Variants in PTPRT observed in about 807,000 individuals in gnomAD.
PTPRT encodes the protein protein tyrosine phosphatase receptor type T.
Under a neutral mutation model 176.8 loss-of-function variants are expected in PTPRT, and 56 were observed. The ratio of observed to expected loss-of-function variants is 0.32; its 90% CI spans 0.26 to 0.40. The LOEUF (loss-of-function observed/expected upper bound fraction) is 0.40. PTPRT is among the 10% of genes least tolerant of loss of function. The pLI, the probability that PTPRT is intolerant of heterozygous loss-of-function variation, is 1.00. For synonymous variants in PTPRT, 783 were observed against 739.0 expected, an observed-to-expected ratio of 1.06 and a Z score of -0.96; for missense variants, 1,540 against 1,908.2, an observed-to-expected ratio of 0.81 and a Z score of 3.60.
intron 2 of PTPRT, among the ~76,000 whole-genome samples, chr20:42,830,094 C>T (rs2078059549): frequency 6.6e-6 from 1 of 152,154 alleles, no homozygotes; most frequent in South Asian, 2.1e-4. Context: ...CCAACTCATT[C>T]CATGAGGCCA....
intron 12 of PTPRT, among the ~76,000 whole-genome samples, chr20:42,315,148 G>A (rs578001191): frequency 1.5e-4 from 9 of 62,062 alleles, no homozygotes; most frequent in South Asian, 1.2e-3. Context: ...ACTGCAGTCC[G>A]CAGTCCGGCC....
At chr20:42,455,163 A>AT (rs2070898621) in intron 8 of PTPRT, among the ~76,000 whole-genome samples, 1 of 152,226 alleles carries the variant, frequency 6.6e-6, no homozygotes, top group African/African-American at 2.4e-5. Flanking sequence ...GGGAAGTATA[A>AT]TTTTTAAGTA....
chr20:43,146,901 TC>T (rs2014186743), intron 1 of PTPRT, among the ~76,000 whole-genome samples: 1 of 152,122 alleles, frequency 6.6e-6, no homozygotes, highest in African/African-American at 2.4e-5. Flanking sequence ...TCACAGGTCA[TC>T]CTAAGTCCCC....
intron 1 of PTPRT, among the ~76,000 whole-genome samples, chr20:43,000,061 A>AGGAG (rs3030231): frequency 0.031 from 2,507 of 81,868 alleles, 93 homozygotes; most frequent in East Asian, 0.1. Context: ...GAAGAAGGGA[A>AGGAG]GGAGGGAGGG....
chr20:42,472,605 A>G lies in PTPRT; in HGVS notation c.1154-43T>C, dbSNP rs1429457048. ...AAGAAACAAGGGTTCTGAAGAGACC[A>G]TCGGGAAGCTGGGGTACATGTTCTG... On this transcript the variant is annotated intron_variant, in intron 7 of 30. Transcript: ENST00000373187. The G allele has an allele frequency of 3.8e-6, 6 of 1,583,976 alleles. No individual in the cohort carries two copies. The South Asian group carries it at 4.6e-5, about 12-fold the overall frequency.
intron 1 of PTPRT, among the ~76,000 whole-genome samples, chr20:42,890,961 C>T (rs2079182045): frequency 6.6e-6 from 1 of 152,218 alleles, no homozygotes; most frequent in Non-Finnish European, 1.5e-5. Flanking sequence ...TCCCCTTTCG[C>T]TTGGCTCTCA....
At chr20:42,322,614 A>T (rs2057816779) in intron 11 of PTPRT, among the ~76,000 whole-genome samples, 1 of 150,214 alleles carries the variant, frequency 6.7e-6, no homozygotes, top group African/African-American at 2.5e-5. Flanking sequence ...TCAGTTCAAG[A>T]TGGATTAAAG....
At chr20:42,539,669 AAAAC>A (rs527888036) in intron 7 of PTPRT, among the ~76,000 whole-genome samples, 112 of 152,086 alleles carry the variant, frequency 7.4e-4, no homozygotes, top group Non-Finnish European at 1.4e-3. Flanking sequence ...TTTAAAAAAA[AAAAC>A]AAACTATTAC....
At chr20:42,458,810 A>C (rs6030257) in intron 8 of PTPRT, among the ~76,000 whole-genome samples, 60,846 of 151,960 alleles carry the variant, frequency 0.4, 12,638 homozygotes, top group Middle Eastern at 0.53. Context: ...GAGGACTCAG[A>C]ATTCATTCGT....
intron 14 of PTPRT, among the ~76,000 whole-genome samples, chr20:42,242,340 A>C (rs1214633075): frequency 1.3e-5 from 2 of 152,218 alleles, no homozygotes; most frequent in African/African-American, 4.8e-5. Flanking sequence ...TCTCCCATTC[A>C]ACATGTTTTT....
At chr20:42,980,839 A>G (rs1352706112) in intron 1 of PTPRT, among the ~76,000 whole-genome samples, 2 of 152,164 alleles carry the variant, frequency 1.3e-5, no homozygotes, top group African/African-American at 4.8e-5. Context: ...TCTGCTGGTC[A>G]TTTACTAGTT....
chr20:42,104,369 C>A (rs1358899151), intron 25 of PTPRT, among the ~76,000 whole-genome samples, 200 bp downstream of exon 25: 1 of 152,172 alleles, frequency 6.6e-6, no homozygotes, highest in Non-Finnish European at 1.5e-5. Context: ...CGTGAATATG[C>A]AACGAGAAGA....
At chr20:42,942,125 G>A (rs206649) in intron 1 of PTPRT, among the ~76,000 whole-genome samples, 2,915 of 152,252 alleles carry the variant, frequency 0.019, 98 homozygotes, top group African/African-American at 0.066. Context: ...CACCCAGGGG[G>A]AGCTGCTGTC....
intron 1 of PTPRT, among the ~76,000 whole-genome samples, chr20:42,945,192 T>G (rs1447250323): frequency 1.3e-5 from 2 of 148,266 alleles, no homozygotes; most frequent in Non-Finnish European, 3.0e-5. Flanking sequence ...GATACATATA[T>G]ATGTATGTAT....
intron 1 of PTPRT, among the ~76,000 whole-genome samples, chr20:43,110,754 G>A (rs1330793372): frequency 1.3e-5 from 2 of 152,196 alleles, no homozygotes; most frequent in East Asian, 1.9e-4. Context: ...AGGCACTCGG[G>A]GTGAGAAGTG....
chr20:42,184,558 CTTA>C (rs759782833), intron 16 of PTPRT, among the ~76,000 whole-genome samples: 3,291 of 116,956 alleles, frequency 0.028, 228 homozygotes, highest in African/African-American at 0.034. Context: ...TCTTCTTCTT[CTTA>C]TTCTTCTTCT....
chr20:42,511,838 A>G (rs1206635521), intron 7 of PTPRT, among the ~76,000 whole-genome samples: 2 of 152,074 alleles, frequency 1.3e-5, no homozygotes, highest in Admixed American at 6.6e-5. Context: ...AATCTAGACC[A>G]AGTTCCTACC....
At chr20:42,942,464 G>A (rs913305234) in intron 1 of PTPRT, among the ~76,000 whole-genome samples, 2 of 152,224 alleles carry the variant, frequency 1.3e-5, no homozygotes, top group Non-Finnish European at 2.9e-5. Flanking sequence ...CCCACCACGT[G>A]TTCTTACTAC....
intron 7 of PTPRT, among the ~76,000 whole-genome samples, chr20:42,479,354 A>G (rs2145322365): frequency 6.6e-6 from 1 of 152,284 alleles, no homozygotes; most frequent in African/African-American, 2.4e-5. Context: ...TTGGAGATGC[A>G]ATTTGAGTTC....
Sources: gnomAD v4.1 joint callset for allele counts (sites outside exome capture counted in the v4.1 genomes callset) on GRCh38, gnomAD v4.1.1 for gene constraint, MANE v1.5 for transcripts, NCBI Gene and HGNC (gene_info 2026-07-23, HGNC 2026-07-21) for gene names.